NMS: variants seen among roughly 807,000 people sequenced by gnomAD.
NMS encodes neuromedin S.
A neutral mutation model predicts 32.2 loss-of-function variants in NMS; 30 were observed. The ratio of observed to expected loss-of-function variants is 0.93; its 90% CI spans 0.70 to 1.26. The LOEUF (loss-of-function observed/expected upper bound fraction) is 1.26. Among genes scored for constraint, NMS ranks in the 50% most tolerant of loss-of-function variants. The probability of loss-of-function intolerance (pLI) is 0.00; values close to 1 mark genes in which losing one functional copy is unlikely to be tolerated. For synonymous variants in NMS, 76 were observed against 58.5 expected (o/e 1.30, Z -1.37); for missense variants, 190 against 186.3 (o/e 1.02, Z -0.12).
chr2:100,470,485 C>T lies in NMS; in HGVS notation c.-4C>T, dbSNP rs779953859. ...GGCCAGCAAGGAGAAACCAGACTCT[C>T]ACAATGAAACATCTTCGTCCCCAGT... On this transcript the variant is annotated 5_prime_UTR_variant, in exon 1 of 10. Transcript: ENST00000376865. 6.8e-6 allele frequency: 11 copies of T among 1,612,914 alleles called. No individual in the cohort carries two copies. The highest frequency in any genetic ancestry group is 6.6e-5 in the South Asian group (6 of 91,066).
At chr2:100,482,233 A>C in intron 8 of NMS, 44 bp from the exon 9 acceptor site, 1 of 1,593,028 alleles carries the variant, frequency 6.3e-7, no homozygotes, top group Non-Finnish European at 8.6e-7. Flanking sequence ...CAGGCTGCAG[A>C]AAGTTGTGTC....
intron 1 of NMS, 26 bp downstream of exon 1, chr2:100,470,590 T>A: frequency 6.3e-7 from 1 of 1,578,846 alleles, no homozygotes; most frequent in African/African-American, 1.3e-5. Context: ...TCAGACTCCA[T>A]CTGGCCTAAA....
chr2:100,481,636 C>T (rs1677217859), intron 8 of NMS, among the ~76,000 whole-genome samples: 1 of 152,174 alleles, frequency 6.6e-6, no homozygotes, highest in South Asian at 2.1e-4. Context: ...TCAGTATTTG[C>T]ACAGAAAAAA....
Position 100,470,787 on chromosome 2 carries a change from A to C in NMS, c.76+223A>C, listed in dbSNP as rs904743502. Among the ~76,000 whole-genome samples the C allele has an allele frequency of 2.0e-5, 3 of 152,202 alleles. No individual in the cohort carries two copies. The East Asian group carries it at 5.8e-4, about 29-fold the overall frequency. Reference sequence around the variant, plus strand: ...GACTTTTCCCTGTGGGACTGTCTTTAAGCTGCTCCTGCCCTAGGGATGTCC... The same window carrying C: ...GACTTTTCCCTGTGGGACTGTCTTTCAGCTGCTCCTGCCCTAGGGATGTCC... On this transcript the variant is annotated intron_variant, in intron 1 of 9. Transcript: ENST00000376865.
intron 3 of NMS, among the ~76,000 whole-genome samples, chr2:100,475,999 C>CAA (rs746460668): frequency 1.5e-4 from 17 of 111,734 alleles, no homozygotes; most frequent in East Asian, 2.5e-4. Flanking sequence ...ACCCTATCTC[C>CAA]AAAAAAAAAA....
rs1676989048 is a variant in NMS, at chr2:100,470,531, T to C, written c.43T>C (p.Tyr15His). ...RPQFPLILAI[Y>H]CFCMLQIPSS... The stretch of plus-strand genomic sequence containing the variant: ...CCAGTTCCCTCTCATCTTGGCCATC[T>C]ACTGCTTCTGCATGCTACAGATTCC... Residue 15 changes from tyrosine (Y) to histidine (H), a missense_variant, in exon 1 of 10, where the codon TAC (tyrosine) becomes CAC (histidine). By Grantham distance (83) the Tyr-to-His change is moderately conservative. Coordinates refer to ENST00000376865, the MANE Select transcript of NMS (RefSeq NM_001011717.1). 1.2e-6 allele frequency: 2 copies of C among 1,614,008 alleles called. No individual in the cohort carries two copies. Among genetic ancestry groups the C allele is most frequent in the Non-Finnish European group, 1.7e-6 (2 of 1,179,902 alleles).
intron 3 of NMS, among the ~76,000 whole-genome samples, chr2:100,476,602 T>C (rs1208107339): frequency 6.6e-6 from 1 of 152,204 alleles, no homozygotes; most frequent in African/African-American, 2.4e-5. Context: ...GATCAGAAGA[T>C]TTAAATGATT....
At chr2:100,480,088 C>T (rs1054905247) in intron 6 of NMS, among the ~76,000 whole-genome samples, 1 of 152,198 alleles carries the variant, frequency 6.6e-6, no homozygotes, top group Admixed American at 6.5e-5. Flanking sequence ...GTTTGTCTGA[C>T]CCCCTGCTAA....
chr2:100,475,488 G>A (rs144270803), intron 3 of NMS, among the ~76,000 whole-genome samples: 3 of 152,264 alleles, frequency 2.0e-5, no homozygotes, highest in African/African-American at 4.8e-5. Flanking sequence ...ATTAGAAGAC[G>A]TTTCAACTGG....
rs781374153 is a variant in NMS at position 100,477,371 on chromosome 2, A to G, written c.218A>G (p.His73Arg). 3.7e-6 allele frequency: 6 copies of G among 1,613,316 alleles called. No homozygotes were observed. The South Asian group carries it at 6.6e-5, about 18-fold the overall frequency. ...NQDIYKRFLFHYSRTQEATHP... is the reference protein window; with the variant it reads ...NQDIYKRFLFRYSRTQEATHP... Reference sequence around the variant, plus strand: ...TCTTTTCTTATTTAGTTTTTGTTTCACTACTCCAGAACTCAGGAGGCAACA... The same window carrying G: ...TCTTTTCTTATTTAGTTTTTGTTTCGCTACTCCAGAACTCAGGAGGCAACA... The change falls in exon 5 of 10, where the codon CAC becomes CGC. Residue 73 changes from histidine (H) to arginine (R), a missense_variant. Transcript: ENST00000376865.
rs1406418280 is a variant in NMS, at chr2:100,481,144, G to GGAC, written c.395_397dup (p.Arg132dup). ...GTTGCAGGATCACACTGCGACCTGG[G>GGAC]GACGACCCTTTTTCCTTTTCAGGGT... On this transcript the variant is annotated inframe_insertion, in exon 8 of 10. Transcript: ENST00000376865. 4.3e-6 allele frequency: 7 copies of GGAC among 1,614,100 alleles called. No homozygotes were observed. The highest frequency in any genetic ancestry group is 5.1e-6 in the Non-Finnish European group (6 of 1,179,992).
chr2:100,476,065 G>A (rs898055340), intron 3 of NMS, among the ~76,000 whole-genome samples: 22 of 151,564 alleles, frequency 1.5e-4, no homozygotes, highest in Admixed American at 1.3e-4. Flanking sequence ...ACGTTGAGCC[G>A]GGTATTTAGC....
intron 2 of NMS, 42 bp from the exon 3 acceptor site, chr2:100,473,447 C>A: frequency 3.3e-6 from 4 of 1,204,248 alleles, no homozygotes; most frequent in Non-Finnish European, 4.6e-6. Context: ...TCTCTTCATC[C>A]CCCTCATCCC....
chr2:100,477,139 CA>C (rs1229831859), intron 3 of NMS, 104 bp from the exon 4 acceptor site: 2 of 861,766 alleles, frequency 2.3e-6, no homozygotes, highest in Non-Finnish European at 3.8e-6. Flanking sequence ...TCATAATAGT[CA>C]GGTAAATCCA....
rs745392020 is a variant in NMS, at chr2:100,473,506, G to C, written c.150G>C (p.Leu50=). 2 of 1,484,382 alleles carry C rather than the reference G, an allele frequency of 1.3e-6. No individual in the cohort carries two copies. Among genetic ancestry groups the C allele is most frequent in the East Asian group, 4.9e-5 (2 of 40,718 alleles). The allele number at this position is 1,484,382 out of a possible 1,614,324, so 92.0% of individuals were successfully genotyped here. ...IVQLEQLAYC[L]SQWAPLSRQP... ...TTTTTTAGCAGCTGGCATATTGTCT[G>C]AGTCAGTGGGCACCTCTTTCTCGCC... The change falls in exon 3 of 10, where the codon CTG becomes CTC. Residue 50 remains leucine, a synonymous_variant. Coordinates refer to ENST00000376865, the MANE Select transcript of NMS (RefSeq NM_001011717.1).
chr2:100,475,688 A>G (rs1677095728), intron 3 of NMS, among the ~76,000 whole-genome samples: 1 of 152,144 alleles, frequency 6.6e-6, no homozygotes, highest in Non-Finnish European at 1.5e-5. Context: ...TAAACTTTGA[A>G]ATAATTTTTT....
At chr2:100,479,271 A>G (rs7561811) in intron 5 of NMS, 82 bp from the exon 6 acceptor site, 243,491 of 922,610 alleles carry the variant, frequency 0.26, 35,399 homozygotes, top group African/African-American at 0.5. Context: ...GAGTAGAAAG[A>G]AATGCGCATA....
intron 8 of NMS, among the ~76,000 whole-genome samples, chr2:100,481,493 G>A (rs1677214606): frequency 6.6e-6 from 1 of 152,148 alleles, no homozygotes. Context: ...AAAACACATG[G>A]CAGGAGGAGC....
chr2:100,470,878 T>C lies in NMS; in HGVS notation c.76+314T>C, dbSNP rs369978250. On this transcript the variant is annotated intron_variant, in intron 1 of 9. Transcript: ENST00000376865. ...GGTGTGAGTTAGGGGAAGATCCCAC[T>C]TGTAGCCATTTCTGCTCCCTGGATT... is the stretch of plus-strand genomic sequence containing the variant. Among the ~76,000 whole-genome samples, 110 of 152,310 alleles carry C rather than the reference T, an allele frequency of 7.2e-4. 3 individuals carry two copies. The South Asian group carries it at 0.022, about 30-fold the overall frequency.
Sources: allele counts gnomAD v4.1 joint callset (sites outside exome capture counted in the v4.1 genomes callset), GRCh38; gene constraint gnomAD v4.1.1; transcripts MANE v1.5; gene names NCBI Gene and HGNC (gene_info 2026-07-23, HGNC 2026-07-21).